Variants in ALG5 observed in about 807,000 individuals in gnomAD.
ALG5 encodes the protein dolichyl-phosphate beta-glucosyltransferase.
In ALG5, 26 loss-of-function variants were observed where a neutral mutation model predicts 51.8. The observed-to-expected ratio is 0.50, with a 90% confidence interval of 0.37 to 0.70. The LOEUF is 0.70. ALG5 is among the 30% of genes least tolerant of loss of function. ALG5 has a pLI of 0.00. For missense variants in ALG5, 311 were observed against 399.3 expected (o/e 0.78, Z 1.88); for synonymous variants, 141 against 136.1 (o/e 1.04, Z -0.25).
At chr13:36,979,646 A>G (rs1037901958) in intron 6 of ALG5, among the ~76,000 whole-genome samples, 1 of 152,164 alleles carries the variant, frequency 6.6e-6, no homozygotes, top group Non-Finnish European at 1.5e-5. Context: ...TCTGCTTCCT[A>G]TGGTTCTTCT....
chr13:36,958,429 C>A (rs976125722), intron 8 of ALG5, among the ~76,000 whole-genome samples: 1 of 152,176 alleles, frequency 6.6e-6, no homozygotes, highest in African/African-American at 2.4e-5. Context: ...TGTAAAACTA[C>A]AAGTGGTTCT....
intron 8 of ALG5, among the ~76,000 whole-genome samples, chr13:36,957,214 T>C (rs1445510845): frequency 6.6e-6 from 1 of 151,486 alleles, no homozygotes; most frequent in African/African-American, 2.4e-5. Context: ...CCCTGCCTTA[T>C]CGCCAAGCTC....
intron 7 of ALG5, chr13:36,967,660 A>T: frequency 2.3e-6 from 1 of 428,024 alleles, no homozygotes; most frequent in South Asian, 1.8e-5. Flanking sequence ...GGTTGATGTA[A>T]ATATGTCTTA....
chr13:36,999,279 G>A lies in ALG5; in HGVS notation c.22C>T (p.Leu8=), dbSNP rs1227437834. The A allele has an allele frequency of 1.3e-6, 2 of 1,580,102 alleles. No homozygotes were observed. The highest frequency in any genetic ancestry group is 1.7e-6 in the Non-Finnish European group (2 of 1,166,006). Residue 8 remains leucine, a synonymous_variant, in exon 1 of 10, where the codon CTG becomes TTG. Coordinates refer to ENST00000239891, the MANE Select transcript of ALG5 (RefSeq NM_013338.5). The stretch of plus-strand genomic sequence containing the variant: ...GCCAGCGCCGCGCCGAGCACCGCCA[G>A]CTGCAACAGAAGCGGAGCCATTCTC... MAPLLLQ[L]AVLGAALAAA... is the part of the protein sequence containing the mutation.
chr13:36,992,542 T>A (rs1449031839), intron 4 of ALG5, among the ~76,000 whole-genome samples: 6 of 152,200 alleles, frequency 3.9e-5, no homozygotes, highest in Admixed American at 1.3e-4. Flanking sequence ...GGATGCACAA[T>A]GAAGCTTTAC....
At chr13:36,962,134 G>T (rs2058870156) in intron 8 of ALG5, among the ~76,000 whole-genome samples, 1 of 152,072 alleles carries the variant, frequency 6.6e-6, no homozygotes, top group Admixed American at 6.6e-5. Context: ...CAGATTTCTA[G>T]TACCTAGAAA....
intron 6 of ALG5, among the ~76,000 whole-genome samples, chr13:36,973,394 C>T (rs890717948): frequency 2.6e-5 from 4 of 152,050 alleles, no homozygotes; most frequent in South Asian, 2.1e-4. Flanking sequence ...GGGAAAAAGA[C>T]GAACTGACAA....
chr13:36,978,421 G>A lies in ALG5; in HGVS notation c.562-6385C>T, dbSNP rs570657553. ...AGGCTGGTCTCAAACTCCTGACCTCGGGTGATCCGCATGCCTCAGTCTCCT... is the reference window on the plus strand; with the variant it reads ...AGGCTGGTCTCAAACTCCTGACCTCAGGTGATCCGCATGCCTCAGTCTCCT... On this transcript the variant is annotated intron_variant, in intron 6 of 9. Transcript: ENST00000239891. 7.2e-4 allele frequency among the ~76,000 whole-genome samples: 109 copies of A among 151,898 alleles called. 2 individuals are homozygous for A. Among genetic ancestry groups the A allele is most frequent in the Non-Finnish European group, 2.9e-4 (20 of 67,948 alleles).
At chr13:36,958,904 AG>A (rs1191811802) in intron 8 of ALG5, among the ~76,000 whole-genome samples, 1 of 152,164 alleles carries the variant, frequency 6.6e-6, no homozygotes, top group Non-Finnish European at 1.5e-5. Context: ...GCATTCGAGC[AG>A]GAAGTGGCAA....
At chr13:36,961,242 T>C (rs968913862) in intron 8 of ALG5, among the ~76,000 whole-genome samples, 1 of 151,850 alleles carries the variant, frequency 6.6e-6, no homozygotes, top group Non-Finnish European at 1.5e-5. Context: ...TGGCAAACTC[T>C]GTCTCTACAA....
intron 9 of ALG5, among the ~76,000 whole-genome samples, chr13:36,951,371 A>G (rs936685959): frequency 2.0e-5 from 3 of 152,202 alleles, no homozygotes; most frequent in Non-Finnish European, 4.4e-5. Flanking sequence ...AGTTTGATTC[A>G]GCAAGATGTA....
At chr13:36,981,301 A>T (rs917912382) in intron 6 of ALG5, among the ~76,000 whole-genome samples, 3 of 152,228 alleles carry the variant, frequency 2.0e-5, no homozygotes, top group Admixed American at 6.5e-5. Context: ...AATGACTTAA[A>T]TGGTCAAAGC....
chr13:36,971,342 T>C (rs2058922051), intron 7 of ALG5, among the ~76,000 whole-genome samples: 1 of 152,104 alleles, frequency 6.6e-6, no homozygotes, highest in African/African-American at 2.4e-5. Flanking sequence ...GGCAAGTTGA[T>C]TGGTTAAAAA....
intron 9 of ALG5, 143 bp downstream of exon 9, chr13:36,952,371 T>G: frequency 3.2e-6 from 2 of 628,084 alleles, no homozygotes; most frequent in Non-Finnish European, 2.8e-6. Context: ...GTAGGTACTA[T>G]TCTCCTTGGA....
rs1052269975 is a variant in ALG5, at chr13:36,985,531, C to CA, written c.561+95dup. 5.0e-5 allele frequency: 45 copies of CA among 891,124 alleles called. No individual in the cohort carries two copies. The African/African-American group carries it at 7.4e-4, about 15-fold the overall frequency. The allele number at this position is 891,124 out of a possible 1,614,324, so 55.2% of individuals were successfully genotyped here. A position where few individuals can be genotyped will look rare whatever the true frequency, so the allele number is the denominator to read the frequency against. ...ATAAGGATTTCATACCAAAAACACT[C>CA]AGTTTTTAAACTGATAGGTAAACTC... On this transcript the variant is annotated intron_variant, in intron 6 of 9. Transcript: ENST00000239891.
intron 8 of ALG5, among the ~76,000 whole-genome samples, chr13:36,962,674 A>G (rs371943258): frequency 2.0e-5 from 3 of 152,142 alleles, no homozygotes; most frequent in East Asian, 3.9e-4. Flanking sequence ...AAAATAAATA[A>G]AAGGCTTGCA....
At chr13:36,993,768 G>A (rs1808957902) in intron 3 of ALG5, 96 bp from the exon 4 acceptor site, 4 of 917,760 alleles carry the variant, frequency 4.4e-6, no homozygotes, top group South Asian at 4.2e-5. Context: ...CTGCTTTAGT[G>A]TTGATACATA....
intron 7 of ALG5, among the ~76,000 whole-genome samples, chr13:36,971,712 TATCTTAAAAATATATTAA>T (rs2058924519): frequency 6.6e-6 from 1 of 151,446 alleles, no homozygotes; most frequent in East Asian, 1.9e-4. Context: ...AGATTCTCTT[TATCTTAAAAATATATTAA>T]AAAGAACTGC....
chr13:36,978,459 T>A (rs2058964394), intron 6 of ALG5, among the ~76,000 whole-genome samples: 1 of 151,962 alleles, frequency 6.6e-6, no homozygotes, highest in African/African-American at 2.4e-5. Context: ...AATGCTGGGA[T>A]TACAGGCGTG....
Sources: allele counts gnomAD v4.1 joint callset (sites outside exome capture counted in the v4.1 genomes callset), GRCh38; gene constraint gnomAD v4.1.1; transcripts MANE v1.5; gene names NCBI Gene and HGNC (gene_info 2026-07-23, HGNC 2026-07-21).